The following TTLL6 variants were observed in gnomAD, a reference collection of about 807,000 sequenced individuals.
The protein encoded by TTLL6 is tubulin tyrosine ligase like 6.
Under a neutral mutation model 96.4 loss-of-function variants are expected in TTLL6, and 75 were observed. That is an observed-to-expected ratio of 0.78 (90% confidence interval 0.65 to 0.94). The LOEUF (loss-of-function observed/expected upper bound fraction) is 0.94, where lower values mean the gene tolerates loss of function less well. TTLL6 is among the 40% of genes least tolerant of loss of function. TTLL6 has a pLI of 0.00. For synonymous variants in TTLL6, 411 were observed against 419.4 expected (o/e 0.98, Z 0.24); for missense variants, 1,030 against 1,093.0 (o/e 0.94, Z 0.81).
chr17:48,800,327 T>G (rs1165452235), intron 5 of TTLL6: 1 of 152,348 alleles, frequency 6.6e-6, no homozygotes, highest in Non-Finnish European at 1.5e-5. Flanking sequence ...TTTGAACATA[T>G]TTTGAGGAAA....
chr17:48,775,707 A>C (rs2038856781), intron 13 of TTLL6, among the ~76,000 whole-genome samples: 2 of 151,862 alleles, frequency 1.3e-5, no homozygotes, highest in Non-Finnish European at 2.9e-5. Context: ...ACATCCGGTT[A>C]ATTTTGTATT....
intron 8 of TTLL6, among the ~76,000 whole-genome samples, chr17:48,792,366 G>A (rs2039242705): frequency 6.6e-6 from 1 of 152,172 alleles, no homozygotes; most frequent in South Asian, 2.1e-4. Flanking sequence ...AGGCAGTGGT[G>A]GGGACAGACA....
chr17:48,801,709 A>G, intron 3 of TTLL6, 66 bp from the exon 4 acceptor site: 3 of 1,364,194 alleles, frequency 2.2e-6, no homozygotes, highest in Non-Finnish European at 3.0e-6. Context: ...GGGAGATTCC[A>G]TTACTAGGTG....
chr17:48,762,940 A>G lies in TTLL6; in HGVS notation c.*34T>C, dbSNP rs1408429222. On this transcript the variant is annotated 3_prime_UTR_variant, in exon 16 of 16. Coordinates refer to ENST00000393382, the MANE Select transcript of TTLL6 (RefSeq NM_001130918.3). ...CATTGTTTCCTGCAAGTTAAGAGGT[A>G]GGAAGGGAAAAGTGGCAGAGATCCA... 2 of 456,312 alleles carry G rather than the reference A, an allele frequency of 4.4e-6. No individual in the cohort carries two copies. Among genetic ancestry groups the G allele is most frequent in the South Asian group, 3.1e-5 (2 of 64,472 alleles). The allele number at this position is 456,312 out of a possible 1,614,324, so 28.3% of individuals were successfully genotyped here.
intron 1 of TTLL6, among the ~76,000 whole-genome samples, chr17:48,814,582 C>G (rs2039639435): frequency 6.6e-6 from 1 of 151,996 alleles, no homozygotes; most frequent in African/African-American, 2.4e-5. Flanking sequence ...TTAGACAGCA[C>G]GAAAATGTCC....
At position 48,817,033 on chromosome 17, in the gene TTLL6, C is replaced by T; in HGVS notation, c.40G>A (p.Ala14Thr). The T allele has an allele frequency of 6.5e-7, 1 of 1,544,546 alleles. No homozygotes were observed. Among genetic ancestry groups the T allele is most frequent in the Non-Finnish European group, 8.7e-7 (1 of 1,145,842 alleles). ...LLLHPSRRGPAGVVASWTSSP... is the reference protein window; with the variant it reads ...LLLHPSRRGPTGVVASWTSSP... ...CTAGTCCAGCTTGCAACCACACCTGCCGGCCCCCTCCTCGAAGGATGAAGG... is the reference window on the plus strand; with the variant it reads ...CTAGTCCAGCTTGCAACCACACCTGTCGGCCCCCTCCTCGAAGGATGAAGG... Residue 14 changes from alanine to threonine, a missense_variant, in exon 1 of 16, where the codon GCA becomes ACA. Physicochemically the swap from Ala to Thr is moderately conservative, Grantham distance 58. Transcript: ENST00000393382.
intron 13 of TTLL6, among the ~76,000 whole-genome samples, 154 bp downstream of exon 13, chr17:48,784,769 A>G (rs1043115580): frequency 2.6e-5 from 4 of 152,146 alleles, no homozygotes; most frequent in African/African-American, 7.2e-5. Flanking sequence ...CCCAGCAGCT[A>G]TGCCATTCCA....
In TTLL6 at chr17:48,786,248, G is replaced by C. The variant is rs200949460; in HGVS notation, c.1677C>G (p.Gly559=). Residue 559 remains glycine, a synonymous_variant, in exon 12 of 16, where the codon GGC becomes GGG. Coordinates refer to ENST00000393382, the MANE Select transcript of TTLL6 (RefSeq NM_001130918.3). ...TCATGCCCTTCTTTCTCACTTGCTC[G>C]CCTGCCGATTCCCCCTGCATCTCTA... ...KKVEMQGESA[G]EQVRKKGMRG... 1 of 1,614,140 alleles carries C rather than the reference G, an allele frequency of 6.2e-7. No individual in the cohort carries two copies. Among genetic ancestry groups the C allele is most frequent in the East Asian group, 2.2e-5 (1 of 44,886 alleles).
intron 13 of TTLL6, among the ~76,000 whole-genome samples, chr17:48,777,830 G>T (rs1484303129): frequency 6.6e-6 from 1 of 152,106 alleles, no homozygotes; most frequent in Non-Finnish European, 1.5e-5. Flanking sequence ...AGAATTGCTT[G>T]AACCTGGGCG....
intron 3 of TTLL6, among the ~76,000 whole-genome samples, chr17:48,802,123 AAAG>A (rs2039435435): frequency 1.8e-5 from 2 of 113,046 alleles, no homozygotes; most frequent in African/African-American, 2.7e-5. Context: ...AGAAAGAAAG[AAAG>A]AAAGAAAGAA....
rs56757071 is a variant in TTLL6 at position 48,812,064 on chromosome 17, A to ACCCCCCCCCCCC, written c.103+4905_103+4906insGGGGGGGGGGGG. 9.6e-4 allele frequency: 73 copies of ACCCCCCCCCCCC among 76,120 alleles called. 1 individual carries two copies. Among genetic ancestry groups the ACCCCCCCCCCCC allele is most frequent in the Non-Finnish European group, 1.1e-3 (46 of 40,114 alleles). The allele number at this position is 76,120 out of a possible 1,614,324, so 4.7% of individuals were successfully genotyped here. A position where few individuals can be genotyped will look rare whatever the true frequency, so the allele number is the denominator to read the frequency against. On this transcript the variant is annotated intron_variant, in intron 1 of 15. Transcript: ENST00000393382. ...TAAATCTGACCCAGGTGATGCTGGG[A>ACCCCCCCCCCCC]CCCCCCCCCCCACCCCCCGCTCAGA...
intron 13 of TTLL6, among the ~76,000 whole-genome samples, chr17:48,784,422 A>T (rs1015612163): frequency 6.6e-6 from 1 of 152,036 alleles, no homozygotes; most frequent in Non-Finnish European, 1.5e-5. Flanking sequence ...AAAATAAGAT[A>T]CACAGAGGAG....
In TTLL6 at chr17:48,801,263, A is replaced by G. The variant is rs17634167; in HGVS notation, c.603T>C (p.Leu201=). 180,638 of 1,551,240 alleles carry G rather than the reference A, an allele frequency of 0.12. 11,502 individuals carry two copies. The highest frequency in any genetic ancestry group is 0.13 in the Non-Finnish European group (152,874 of 1,146,654). ...GGGCGGGGGGCACTCACTCAGCAGG[A>G]AGACACCAGGTCCTAGGGAAAAAGC... ...DFRFFPRTWC[L]PADWGDLQTY... is the part of the protein sequence containing the mutation. The change falls in exon 5 of 16, where the codon CTT becomes CTC. Residue 201 remains leucine, a synonymous_variant. Coordinates refer to ENST00000393382, the MANE Select transcript of TTLL6 (RefSeq NM_001130918.3).
At chr17:48,801,111 C>T in intron 5 of TTLL6, 144 bp downstream of exon 5, 1 of 740,776 alleles carries the variant, frequency 1.3e-6, no homozygotes, top group Non-Finnish European at 2.2e-6. Flanking sequence ...TGGACACACC[C>T]TTTATCCCTT....
rs1480867705 is a variant in TTLL6 at position 48,774,881 on chromosome 17, C to CCTACAAT, written c.2041-4785_2041-4784insATTGTAG. On this transcript the variant is annotated intron_variant, in intron 13 of 15. Coordinates refer to ENST00000393382, the MANE Select transcript of TTLL6 (RefSeq NM_001130918.3). ...GGCACCATGGCTCATGCCTACAATC[C>CCTACAAT]CAGCACTTTGGAAGGCTGAGGAGGA... Among the ~76,000 whole-genome samples, 23 of 152,048 alleles carry CCTACAAT rather than the reference C, an allele frequency of 1.5e-4. No homozygotes were observed. The South Asian group carries it at 4.6e-3, about 30-fold the overall frequency.
At chr17:48,786,380 C>T (rs774891534) in intron 11 of TTLL6, 45 bp from the exon 12 acceptor site, 1 of 1,611,300 alleles carries the variant, frequency 6.2e-7, no homozygotes, top group Non-Finnish European at 8.5e-7. Flanking sequence ...TAGAAATGCG[C>T]TGCGCAGGCA....
Position 48,785,215 on chromosome 17 carries a change from A to T in TTLL6, c.1762-14T>A. On this transcript the variant is annotated splice_polypyrimidine_tract_variant and intron_variant, in intron 12 of 15. Transcript: ENST00000393382. ...TGGCTGGATGTACTGAGGGAGGAAGAAACCACAACACACAGCCATGGGAAC... is the reference window on the plus strand; with the variant it reads ...TGGCTGGATGTACTGAGGGAGGAAGTAACCACAACACACAGCCATGGGAAC... 1.2e-6 allele frequency: 2 copies of T among 1,614,070 alleles called. No homozygotes were observed. The highest frequency in any genetic ancestry group is 2.2e-5 in the South Asian group (2 of 91,042).
intron 2 of TTLL6, chr17:48,804,292 C>G (rs2039470848): frequency 2.0e-6 from 1 of 498,296 alleles, no homozygotes; most frequent in South Asian, 1.5e-5. Context: ...CCTCTTCCCC[C>G]CATTAAGGGA....
At position 48,769,716 on chromosome 17, in the gene TTLL6, A is replaced by G. The variant is rs369300418; in HGVS notation, c.2410+12T>C. 5 of 1,612,454 alleles carry G rather than the reference A, an allele frequency of 3.1e-6. No homozygotes were observed. The African/African-American group carries it at 4.0e-5, about 13-fold the overall frequency. On this transcript the variant is annotated intron_variant, in intron 14 of 15. Transcript: ENST00000393382. ...AAGCTCCTGGCACATCCCTGTACAC[A>G]CTGGCACTCACGTGACAGGTTATTC...
Sources: allele counts gnomAD v4.1 joint callset (sites outside exome capture counted in the v4.1 genomes callset), GRCh38; gene constraint gnomAD v4.1.1; transcripts MANE v1.5; gene names NCBI Gene and HGNC (gene_info 2026-07-23, HGNC 2026-07-21).